Variants in RARB observed in about 807,000 individuals in gnomAD.
RARB encodes the protein HBV-activated protein.
Under a neutral mutation model 51.9 loss-of-function variants are expected in RARB, and 17 were observed. That is an observed-to-expected ratio of 0.33 (90% CI 0.22 to 0.49). The LOEUF is 0.49. RARB is among the 20% of genes least tolerant of loss of function. The pLI, the probability that RARB is intolerant of heterozygous loss-of-function variation, is 0.99. For synonymous variants in RARB, 215 were observed against 195.4 expected, an observed-to-expected ratio of 1.10 and a Z score of -0.84; for missense variants, 369 against 550.8, an observed-to-expected ratio of 0.67 and a Z score of 3.30.
At chr3:25,321,293 G>C (rs921793428) in intron 5 of RARB, among the ~76,000 whole-genome samples, 1 of 152,200 alleles carries the variant, frequency 6.6e-6, no homozygotes, top group African/African-American at 2.4e-5. Context: ...TACCTGGATG[G>C]AGTAGTAAGG....
At chr3:24,876,544 T>C (rs959763822) in intron 2 of RARB, among the ~76,000 whole-genome samples, 8 of 152,146 alleles carry the variant, frequency 5.3e-5, no homozygotes, top group Admixed American at 3.9e-4. Flanking sequence ...TCTGAGCAAG[T>C]GAACATATTA....
intron 5 of RARB, among the ~76,000 whole-genome samples, chr3:25,179,765 A>G (rs140516753): frequency 1.2e-3 from 182 of 152,274 alleles, no homozygotes; most frequent in Middle Eastern, 3.4e-3. Context: ...AAAGCTGAAC[A>G]GGTATTGATT....
intron 5 of RARB, among the ~76,000 whole-genome samples, chr3:25,339,485 C>T (rs1321318735): frequency 2.6e-5 from 4 of 152,158 alleles, no homozygotes; most frequent in South Asian, 4.2e-4. Context: ...CACGTGGCTG[C>T]GCGGGAGTCT....
intron 2 of RARB, among the ~76,000 whole-genome samples, chr3:25,477,361 CT>C (rs1310463167): frequency 3.9e-5 from 6 of 152,146 alleles, no homozygotes; most frequent in African/African-American, 1.4e-4. Context: ...GATGAGATGG[CT>C]TTTTGGTGTC....
chr3:25,305,856 G>A (rs778863468), intron 5 of RARB, among the ~76,000 whole-genome samples: 6 of 152,196 alleles, frequency 3.9e-5, no homozygotes, highest in Non-Finnish European at 8.8e-5. Context: ...AGAGTAAAAT[G>A]TAAGGGATTG....
In RARB at chr3:25,482,242, G is replaced by A. The variant is rs543762336; in HGVS notation, c.307-18940G>A. ...ATGTCTGGCTTATCAAACATTTGTC[G>A]CAATAAAAATATGACTGTATGCAGG... On this transcript the variant is annotated intron_variant, in intron 2 of 7. Transcript: ENST00000330688. Among the ~76,000 whole-genome samples, 39 of 152,200 alleles carry A rather than the reference G, an allele frequency of 2.6e-4. 2 individuals are homozygous for A. In the East Asian group the frequency reaches 5.2e-3, roughly 20 times the overall value.
chr3:25,412,518 G>T (rs1025009974), intron 5 of RARB, among the ~76,000 whole-genome samples: 1 of 152,078 alleles, frequency 6.6e-6, no homozygotes, highest in African/African-American at 2.4e-5. Context: ...CAGAGTAGTT[G>T]TTCTCCAACT....
chr3:25,047,816 A>C (rs1184507265), intron 2 of RARB, among the ~76,000 whole-genome samples: 1 of 152,208 alleles, frequency 6.6e-6, no homozygotes, highest in African/African-American at 2.4e-5. Flanking sequence ...TTTTGCTTGT[A>C]CAGAGCAGCA....
intron 3 of RARB, among the ~76,000 whole-genome samples, chr3:25,117,705 G>C (rs565621508): frequency 5.3e-5 from 8 of 152,162 alleles, no homozygotes; most frequent in Non-Finnish European, 1.2e-4. Flanking sequence ...AGAATCAACT[G>C]TTGGGCTCAA....
chr3:25,280,055 T>G (rs537491381), intron 5 of RARB, among the ~76,000 whole-genome samples: 6 of 152,208 alleles, frequency 3.9e-5, no homozygotes, highest in African/African-American at 1.4e-4. Flanking sequence ...ACAAATTCAT[T>G]TAATATAAAT....
At chr3:25,083,489 G>A (rs1182318219) in intron 3 of RARB, among the ~76,000 whole-genome samples, 1 of 151,570 alleles carries the variant, frequency 6.6e-6, no homozygotes, top group African/African-American at 2.4e-5. Context: ...TTTTCATTTG[G>A]CTCTCTTATA....
intron 5 of RARB, among the ~76,000 whole-genome samples, chr3:25,279,600 G>A (rs1249055800): frequency 6.6e-6 from 1 of 151,802 alleles, no homozygotes; most frequent in Non-Finnish European, 1.5e-5. Context: ...AAAGTTAAAT[G>A]TTTTTCTCTG....
chr3:24,983,590 G>C (rs761286834), intron 2 of RARB, among the ~76,000 whole-genome samples: 4 of 151,960 alleles, frequency 2.6e-5, no homozygotes, highest in African/African-American at 7.2e-5. Flanking sequence ...GTGTCCATGG[G>C]TTCTCGTTGT....
At chr3:25,401,432 A>G (rs1445244927) in intron 5 of RARB, among the ~76,000 whole-genome samples, 4 of 152,220 alleles carry the variant, frequency 2.6e-5, no homozygotes, top group Non-Finnish European at 5.9e-5. Flanking sequence ...TACCAGACAT[A>G]CTAAGAAATA....
exon 5 of RARB, chr3:25,174,573 C>A (rs1291030926): frequency 1.5e-6 from 2 of 1,352,040 alleles, no homozygotes; most frequent in East Asian, 9.1e-5. Flanking sequence ...CCGTCGCCGG[C>A]AAGTAAGTCC....
intron 3 of RARB, among the ~76,000 whole-genome samples, chr3:25,095,862 T>C (rs1559464596): frequency 6.6e-6 from 1 of 152,200 alleles, no homozygotes; most frequent in Admixed American, 6.5e-5. Context: ...GGTGATGTCT[T>C]CTTAACTGCC....
At chr3:25,357,161 T>G (rs1370189933) in intron 5 of RARB, among the ~76,000 whole-genome samples, 1 of 152,214 alleles carries the variant, frequency 6.6e-6, no homozygotes, top group African/African-American at 2.4e-5. Flanking sequence ...TTTCTTCACA[T>G]CCTCTCCAGC....
rs115510957 is a variant in RARB at position 25,211,687 on chromosome 3, T to A, written c.178+37112T>A. Among the ~76,000 whole-genome samples, 663 of 152,278 alleles carry A rather than the reference T, an allele frequency of 4.4e-3. 3 individuals carry two copies. Among genetic ancestry groups the A allele is most frequent in the African/African-American group, 0.015 (618 of 41,554 alleles). On this transcript the variant is annotated intron_variant, in intron 5 of 11. Coordinates refer to the RARB transcript ENST00000383772. The stretch of plus-strand genomic sequence containing the variant: ...TTATTAAGGGCCCAACAGTGAAATT[T>A]TTTGGCTTTGAGGGAGTCATGTGGT...
intron 1 of RARB, among the ~76,000 whole-genome samples, chr3:24,855,433 T>G (rs1026495674): frequency 6.6e-6 from 1 of 152,212 alleles, no homozygotes; most frequent in Non-Finnish European, 1.5e-5. Flanking sequence ...CGTTGCAGAC[T>G]TGACTTCTGT....
Sources: allele counts gnomAD v4.1 joint callset (sites outside exome capture counted in the v4.1 genomes callset), GRCh38; gene constraint gnomAD v4.1.1; transcripts MANE v1.5; gene names NCBI Gene and HGNC (gene_info 2026-07-23, HGNC 2026-07-21).